Variants in BAHCC1 observed in about 807,000 individuals in gnomAD.
The protein encoded by BAHCC1 is BAH domain and coiled-coil containing 1.
A neutral mutation model predicts 88.2 loss-of-function variants in BAHCC1; 43 were observed. That is an observed-to-expected ratio of 0.49 (90% confidence interval 0.38 to 0.63). The LOEUF (loss-of-function observed/expected upper bound fraction) is 0.63. BAHCC1 is among the 20% of genes least tolerant of loss of function. The pLI is 0.00. For missense variants in BAHCC1, 3,023 were observed against 1,654.8 expected (o/e 1.83, Z -14.34); for synonymous variants, 1,510 against 745.5 (o/e 2.03, Z -16.71).
intron 2 of BAHCC1, among the ~76,000 whole-genome samples, chr17:81,419,468 C>T (rs1346337840): frequency 6.6e-6 from 1 of 152,388 alleles, no homozygotes; most frequent in East Asian, 1.9e-4. Flanking sequence ...GCACAGCTCC[C>T]TTGGGAGCCT....
intron 4 of BAHCC1, among the ~76,000 whole-genome samples, chr17:81,440,191 C>T (rs948344364): frequency 5.9e-5 from 9 of 152,352 alleles, no homozygotes; most frequent in East Asian, 5.8e-4. Flanking sequence ...CCCCTAGAAC[C>T]GCGTCAGCCC....
intron 10 of BAHCC1, 91 bp from the exon 11 acceptor site, chr17:81,446,945 G>C: frequency 2.7e-6 from 2 of 738,148 alleles, no homozygotes; most frequent in South Asian, 2.9e-5. Context: ...GCTTGGGTCT[G>C]AGGGTTCGAG....
At chr17:81,405,838 C>T (rs2063871773) in intron 2 of BAHCC1, among the ~76,000 whole-genome samples, 1 of 152,186 alleles carries the variant, frequency 6.6e-6, no homozygotes, top group African/African-American at 2.4e-5. Flanking sequence ...GAGGCAGCTA[C>T]TGTGATTGTC....
At chr17:81,403,155 G>A (rs1309515872) in intron 2 of BAHCC1, among the ~76,000 whole-genome samples, 1 of 152,184 alleles carries the variant, frequency 6.6e-6, no homozygotes, top group African/African-American at 2.4e-5. Context: ...TGTGATCCGA[G>A]GCAGCCCCGG....
chr17:81,417,459 C>G (rs1555648905), intron 2 of BAHCC1, among the ~76,000 whole-genome samples: 1 of 152,072 alleles, frequency 6.6e-6, no homozygotes, highest in Non-Finnish European at 1.5e-5. Flanking sequence ...CTGCCTGTGC[C>G]CCACCCTCAG....
In BAHCC1 at chr17:81,435,987, C is replaced by T. The variant is rs1270168746; in HGVS notation, c.359-2383C>T. 3.3e-5 allele frequency among the ~76,000 whole-genome samples: 5 copies of T among 152,222 alleles called. No homozygotes were observed. Among genetic ancestry groups the T allele is most frequent in the African/African-American group, 9.6e-5 (4 of 41,464 alleles). On this transcript the variant is annotated intron_variant, in intron 3 of 27. Coordinates refer to ENST00000675386, the MANE Select transcript of BAHCC1 (RefSeq NM_001377448.1). The surrounding 1 kb of genome is among the most constrained non-coding windows in gnomAD (Gnocchi z 4.4). ...TTATTGGGAAAAAGAAAGGGGCTTT[C>T]TGTCGCTGGGCTGGGAGGACCTTTT...
At position 81,458,273 on chromosome 17, in the gene BAHCC1, G is replaced by C; in HGVS notation, c.5150G>C (p.Gly1717Ala). 1 of 747,660 alleles carries C rather than the reference G, an allele frequency of 1.3e-6. No individual in the cohort carries two copies. Among genetic ancestry groups the C allele is most frequent in the Non-Finnish European group, 2.5e-6 (1 of 402,982 alleles). 46.3% of individuals were successfully genotyped at this position (747,660 alleles called of 1,614,324 possible). A position where few individuals can be genotyped will look rare whatever the true frequency, so the allele number is the denominator to read the frequency against. ...CGGGCCCCAGGGCAGAGGCCCCCAG[G>C]TGCGCTGGGCAAGAAGAAAGCCAAG... Reference protein sequence around the residue: ...LERAPGQRPPGALGKKKAKGK... With the variant: ...LERAPGQRPPAALGKKKAKGK... The change falls in exon 18 of 28, where the codon GGT (glycine) becomes GCT (alanine). Residue 1717 changes from glycine to alanine, a missense_variant. By Grantham distance (60) the Gly-to-Ala change is moderately conservative (BLOSUM62 0). Transcript: ENST00000675386.
intron 4 of BAHCC1, among the ~76,000 whole-genome samples, chr17:81,440,660 C>T (rs1442955661): frequency 4.6e-5 from 7 of 152,156 alleles, no homozygotes; most frequent in Non-Finnish European, 5.9e-5. Context: ...CCAGGGCAGC[C>T]GGGAGTGTGG....
In BAHCC1 at chr17:81,444,718, T is replaced by A; in HGVS notation, c.2563T>A (p.Ser855Thr). ...GAACCTGCCCCCCGGCTTCCCCGCC[T>A]CCGTGGCTGGCCCTGTGCCCTCTGT... ...HQNLPPGFPA[S>T]VAGPVPSVFP... Residue 855 changes from serine (S) to threonine (T), a missense_variant, in exon 8 of 28, where the codon TCC becomes ACC. Coordinates refer to ENST00000675386, the MANE Select transcript of BAHCC1 (RefSeq NM_001377448.1). The A allele has an allele frequency of 6.4e-6, 5 of 777,710 alleles. No individual in the cohort carries two copies. Among genetic ancestry groups the A allele is most frequent in the Non-Finnish European group, 9.6e-6 (4 of 417,582 alleles). 48.2% of individuals were successfully genotyped at this position (777,710 alleles called of 1,614,324 possible). A position where few individuals can be genotyped will look rare whatever the true frequency, so the allele number is the denominator to read the frequency against.
intron 1 of BAHCC1, among the ~76,000 whole-genome samples, chr17:81,397,765 C>T (rs998080805): frequency 6.6e-6 from 1 of 152,188 alleles, no homozygotes; most frequent in Non-Finnish European, 1.5e-5. Flanking sequence ...TTGTTAGACC[C>T]GGGGAGAGAG....
intron 3 of BAHCC1, among the ~76,000 whole-genome samples, chr17:81,432,157 C>T (rs2064267870): frequency 6.6e-6 from 1 of 152,216 alleles, no homozygotes; most frequent in Non-Finnish European, 1.5e-5. Context: ...CCGTGTCCTG[C>T]AGCGGCTGTC....
rs782376318 is a variant in BAHCC1, at chr17:81,442,628, G to A, written c.1279G>A (p.Gly427Arg). Reference sequence around the variant, plus strand: ...GGAGGGCAAGGACCGGCACCTGGAGGGAACCATGGCCCCCGACCACGCTGC... The same window carrying A: ...GGAGGGCAAGGACCGGCACCTGGAGAGAACCATGGCCCCCGACCACGCTGC... ...AGEGKDRHLE[G>R]TMAPDHAAPY... Residue 427 changes from glycine to arginine, a missense_variant, in exon 5 of 28, where the codon GGA (glycine) becomes AGA (arginine). Physicochemically the swap from Gly to Arg is moderately radical, Grantham distance 125. Coordinates refer to ENST00000675386, the MANE Select transcript of BAHCC1 (RefSeq NM_001377448.1). The A allele has an allele frequency of 2.6e-6, 2 of 776,728 alleles. No homozygotes were observed. The highest frequency in any genetic ancestry group is 4.8e-6 in the Non-Finnish European group (2 of 416,632). 48.1% of individuals were successfully genotyped at this position (776,728 alleles called of 1,614,324 possible). A position where few individuals can be genotyped will look rare whatever the true frequency, so the allele number is the denominator to read the frequency against.
intron 23 of BAHCC1, 63 bp from the exon 24 acceptor site, chr17:81,460,214 C>T (rs562291718): frequency 7.8e-5 from 55 of 705,698 alleles, no homozygotes; most frequent in African/African-American, 1.8e-4. Flanking sequence ...TTGGCAGCCC[C>T]GCCTCCCTGT....
At position 81,456,539 on chromosome 17, in the gene BAHCC1, A is replaced by C. The variant is rs1555657354; in HGVS notation, c.4812A>C (p.Thr1604=). 1.4e-6 allele frequency: 1 copy of C among 714,602 alleles called. No individual in the cohort carries two copies. Among genetic ancestry groups the C allele is most frequent in the East Asian group, 2.7e-5 (1 of 37,148 alleles). 44.3% of individuals were successfully genotyped at this position (714,602 alleles called of 1,614,324 possible). A position where few individuals can be genotyped will look rare whatever the true frequency, so the allele number is the denominator to read the frequency against. Reference sequence around the variant, plus strand: ...CCAAGGGCCACGGCAGCCGGGAGACACCCAGGTGCCCAGCCCAGCCCTCCG... The same window carrying C: ...CCAAGGGCCACGGCAGCCGGGAGACCCCCAGGTGCCCAGCCCAGCCCTCCG... The part of the protein sequence containing the change: ...PQPKGHGSRE[T]PRCPAQPSVA... The change falls in exon 16 of 28, where the codon ACA becomes ACC. Residue 1604 remains threonine (T), a synonymous_variant. Coordinates refer to ENST00000675386, the MANE Select transcript of BAHCC1 (RefSeq NM_001377448.1).
intron 26 of BAHCC1, 39 bp from the exon 27 acceptor site, chr17:81,462,701 C>T: frequency 1.4e-6 from 1 of 723,044 alleles, no homozygotes; most frequent in Non-Finnish European, 2.6e-6. Context: ...CCCACAGCCC[C>T]CCGGCCTCTC....
intron 6 of BAHCC1, chr17:81,444,165 C>T (rs1568020304): frequency 1.7e-6 from 1 of 604,672 alleles, no homozygotes; most frequent in Non-Finnish European, 2.9e-6. Context: ...CCCAGTCAGC[C>T]CTGCAGAGCA....
intron 23 of BAHCC1, among the ~76,000 whole-genome samples, chr17:81,459,931 T>C (rs1555658636): frequency 1.3e-5 from 2 of 151,942 alleles, no homozygotes; most frequent in African/African-American, 4.8e-5. Context: ...GGCATGTAGG[T>C]CCCTAGGGCG....
At chr17:81,440,925 C>T (rs905199748) in intron 4 of BAHCC1, among the ~76,000 whole-genome samples, 15 of 152,344 alleles carry the variant, frequency 9.8e-5, no homozygotes, top group Middle Eastern at 3.4e-3. Context: ...GCCCTTCCTC[C>T]GCGACCCACC....
At chr17:81,463,175 T>TG (rs1338308507) in intron 27 of BAHCC1, among the ~76,000 whole-genome samples, 199 bp downstream of exon 27, 1 of 152,036 alleles carries the variant, frequency 6.6e-6, no homozygotes, top group Non-Finnish European at 1.5e-5. Context: ...CTCCCCACAG[T>TG]GGGGGGCTGT....
Sources: gnomAD v4.1 joint callset for allele counts (sites outside exome capture counted in the v4.1 genomes callset) on GRCh38, gnomAD v4.1.1 for gene constraint, Gnocchi (gnomAD v3.1) non-coding constraint, MANE v1.5 for transcripts, NCBI Gene and HGNC (gene_info 2026-07-23, HGNC 2026-07-21) for gene names.